The following LAMA3 variants were observed in gnomAD, a reference collection of about 807,000 sequenced individuals.
LAMA3 encodes laminin subunit alpha-3.
LAMA3 carries 281 observed loss-of-function variants against 402.0 expected under a neutral mutation model. The ratio of observed to expected loss-of-function variants is 0.70; its 90% confidence interval spans 0.63 to 0.77. The LOEUF (loss-of-function observed/expected upper bound fraction) is 0.77, where lower values mean the gene tolerates loss of function less well. LAMA3 is among the 30% of genes least tolerant of loss of function. The pLI, the probability that LAMA3 is intolerant of heterozygous loss-of-function variation, is 0.00. For synonymous variants in LAMA3, 1,431 were observed against 1,558.4 expected (o/e 0.92, Z 1.93); for missense variants, 3,840 against 4,215.5 (o/e 0.91, Z 2.47).
At chr18:23,768,482 A>G (rs373982906) in intron 8 of LAMA3, among the ~76,000 whole-genome samples, 2 of 152,212 alleles carry the variant, frequency 1.3e-5, no homozygotes, top group East Asian at 1.9e-4. Flanking sequence ...TAAAAAGTCA[A>G]AAAACAACAA....
intron 52 of LAMA3, 91 bp downstream of exon 52, chr18:23,905,715 T>C: frequency 4.1e-6 from 3 of 726,034 alleles, no homozygotes; most frequent in Non-Finnish European, 7.6e-6. Flanking sequence ...CAAATGTTGT[T>C]TTTGAATCTC....
chr18:23,946,334 A>G (rs1455116995), intron 70 of LAMA3, 50 bp downstream of exon 70: 2 of 1,558,278 alleles, frequency 1.3e-6, no homozygotes. Context: ...ACCTTATATT[A>G]TAGGCATAAT....
At chr18:23,867,949 T>C in intron 37 of LAMA3, 32 bp downstream of exon 37, 3 of 1,534,162 alleles carry the variant, frequency 2.0e-6, no homozygotes, top group Non-Finnish European at 2.7e-6. Context: ...GATGGTCCTT[T>C]CTGTTTTGTG....
At position 23,954,658 on chromosome 18, in the gene LAMA3, ATT is replaced by A; in HGVS notation, c.*12_*13del. 6.2e-7 allele frequency: 1 copy of A among 1,613,982 alleles called. No individual in the cohort carries two copies. Among genetic ancestry groups the A allele is most frequent in the Non-Finnish European group, 8.5e-7 (1 of 1,179,940 alleles). ...TTGTCCTGACCAGTAACCCAAGCCT[ATT>A]TCACAGCAAGGAAATTCACCTTCAA... On this transcript the variant is annotated 3_prime_UTR_variant, in exon 75 of 75. Transcript: ENST00000313654.
intron 1 of LAMA3, among the ~76,000 whole-genome samples, chr18:23,697,988 CTCT>C (rs2060715227): frequency 1.3e-5 from 2 of 151,954 alleles, no homozygotes; most frequent in South Asian, 4.2e-4. Flanking sequence ...TCCCCAACTC[CTCT>C]TCTTATAGGG....
intron 12 of LAMA3, among the ~76,000 whole-genome samples, chr18:23,806,864 A>T (rs915151742): frequency 1.3e-5 from 2 of 152,162 alleles, no homozygotes; most frequent in Non-Finnish European, 2.9e-5. Context: ...TCTGAGTGGG[A>T]ATTCAAATCC....
chr18:23,926,030 T>C (rs1396763091), intron 62 of LAMA3, among the ~76,000 whole-genome samples: 1 of 152,230 alleles, frequency 6.6e-6, no homozygotes, highest in African/African-American at 2.4e-5. Flanking sequence ...AGTATGGGCA[T>C]AGTAGCTGCC....
At position 23,810,435 on chromosome 18, in the gene LAMA3, G is replaced by A. The variant is rs754220471; in HGVS notation, c.1673G>A (p.Arg558Gln). 8 of 1,613,936 alleles carry A rather than the reference G, an allele frequency of 5.0e-6. No homozygotes were observed. In the East Asian group the frequency reaches 1.1e-4, roughly 22 times the overall value. Residue 558 changes from arginine to glutamine, a missense_variant, in exon 13 of 75, where the codon CGG (arginine) becomes CAG (glutamine). By Grantham distance (43) the Arg-to-Gln change is conservative. Transcript: ENST00000313654. ...CSSVTGQCEC[R>Q]PGVTGQRCDR... is the part of the protein sequence containing the mutation. ...TCAGTGACTGGACAGTGTGAATGTC[G>A]GCCAGGAGTTACAGGACAGCGGTGT...
intron 12 of LAMA3, among the ~76,000 whole-genome samples, chr18:23,797,128 A>C (rs2144144477): frequency 6.6e-6 from 1 of 152,222 alleles, no homozygotes; most frequent in Non-Finnish European, 1.5e-5. Flanking sequence ...CTGTGCAAGA[A>C]ATTCACTGCC....
intron 51 of LAMA3, 109 bp from the exon 52 acceptor site, chr18:23,905,413 C>A: frequency 1.4e-6 from 1 of 709,562 alleles, no homozygotes; most frequent in East Asian, 2.8e-5. Context: ...CTCCTTCCCC[C>A]TTTGAACTTC....
At position 23,921,586 on chromosome 18, in the gene LAMA3, G is replaced by A; in HGVS notation, c.8177+1G>A. On this transcript the variant is annotated splice_donor_variant, in intron 62 of 74. Coordinates refer to ENST00000313654, the MANE Select transcript of LAMA3 (RefSeq NM_198129.4). LOFTEE classifies it high-confidence loss of function. ...GAATTCCAATTGCAATCAGGGAAAG[G>A]TAAGATGATTTTTTTAAAACGAGAT... is the stretch of plus-strand genomic sequence containing the variant. 6.2e-7 allele frequency: 1 copy of A among 1,613,768 alleles called. No homozygotes were observed. Among genetic ancestry groups the A allele is most frequent in the Non-Finnish European group, 8.5e-7 (1 of 1,179,844 alleles).
At chr18:23,761,179 T>C (rs1161818584) in intron 7 of LAMA3, among the ~76,000 whole-genome samples, 1 of 152,362 alleles carries the variant, frequency 6.6e-6, no homozygotes, top group South Asian at 2.1e-4. Context: ...TTAAAAATGC[T>C]TTGACATCAT....
intron 1 of LAMA3, among the ~76,000 whole-genome samples, chr18:23,705,692 A>AT (rs1411525509): frequency 6.6e-6 from 1 of 151,876 alleles, no homozygotes; most frequent in African/African-American, 2.4e-5. Context: ...TAATTTTTGT[A>AT]TTTTTTGTAG....
At chr18:23,831,629 TA>T (rs1390022558) in intron 23 of LAMA3, among the ~76,000 whole-genome samples, 2 of 152,196 alleles carry the variant, frequency 1.3e-5, no homozygotes, top group African/African-American at 4.8e-5. Context: ...TTTGTCTAGT[TA>T]TCTAATTACT....
intron 70 of LAMA3, among the ~76,000 whole-genome samples, chr18:23,947,673 A>T (rs2082753925): frequency 6.6e-6 from 1 of 152,008 alleles, no homozygotes; most frequent in South Asian, 2.1e-4. Context: ...GCAGTAACTT[A>T]TATATATTTC....
At chr18:23,917,148 G>T (rs2081658503) in intron 60 of LAMA3, among the ~76,000 whole-genome samples, 1 of 152,132 alleles carries the variant, frequency 6.6e-6, no homozygotes, top group Non-Finnish European at 1.5e-5. Context: ...ACGTTCGTTT[G>T]TTTAGGATTA....
chr18:23,848,500 T>C (rs747896865), intron 32 of LAMA3, among the ~76,000 whole-genome samples: 2 of 152,154 alleles, frequency 1.3e-5, no homozygotes, highest in Non-Finnish European at 2.9e-5. Flanking sequence ...AGTGGTGATA[T>C]GCTGGGGAAA....
intron 51 of LAMA3, 128 bp downstream of exon 51, chr18:23,904,822 A>G (rs2081191542): frequency 9.8e-7 from 1 of 1,024,682 alleles, no homozygotes; most frequent in Non-Finnish European, 1.4e-6. Flanking sequence ...TGTATAGAAT[A>G]GAACTTGCCC....
intron 12 of LAMA3, among the ~76,000 whole-genome samples, chr18:23,802,207 A>T (rs2062877922): frequency 6.6e-6 from 1 of 152,206 alleles, no homozygotes; most frequent in East Asian, 1.9e-4. Flanking sequence ...AATATTCCAA[A>T]ATCTGAAAAA....
Sources: allele counts gnomAD v4.1 joint callset (sites outside exome capture counted in the v4.1 genomes callset), GRCh38; gene constraint gnomAD v4.1.1; transcripts MANE v1.5; gene names NCBI Gene and HGNC (gene_info 2026-07-23, HGNC 2026-07-21).